PRSS21: variants seen among roughly 807,000 people sequenced by gnomAD.
PRSS21 encodes testisin.
PRSS21 carries 40 observed loss-of-function variants against 31.1 expected under a neutral mutation model. That is an observed-to-expected ratio of 1.29 (90% CI 1.00 to 1.68). The LOEUF is 1.68. PRSS21 is among the 40% of genes most tolerant of loss of function. PRSS21 has a pLI of 0.00. For synonymous variants in PRSS21, 186 were observed against 167.7 expected, an observed-to-expected ratio of 1.11 and a Z score of -0.84; for missense variants, 467 against 412.6, an observed-to-expected ratio of 1.13 and a Z score of -1.14.
In PRSS21 at chr16:2,817,446, G is replaced by A. The variant is rs1346536528; in HGVS notation, c.81G>A (p.Ala27=). 2 of 1,537,742 alleles carry A rather than the reference G, an allele frequency of 1.3e-6. No individual in the cohort carries two copies. The highest frequency in any genetic ancestry group is 1.1e-5 in the South Asian group (1 of 89,470). Reference sequence around the variant, plus strand: ...CTCCCGCAGAGTCGCAGGAGGCGGCGCCGTTATCAGGTAGGGCGCCCAGGA... The same window carrying A: ...CTCCCGCAGAGTCGCAGGAGGCGGCACCGTTATCAGGTAGGGCGCCCAGGA... ...GLRKPESQEA[A]PLSGPCGRRV... The change falls in exon 2 of 6, where the codon GCG becomes GCA. Residue 27 remains alanine, a synonymous_variant. Transcript: ENST00000005995. The surrounding 1 kb of genome is among the most constrained non-coding windows in gnomAD (Gnocchi z 4.2).
In PRSS21 at chr16:2,817,943, C is replaced by T. The variant is rs1567273356; in HGVS notation, c.234C>T (p.Leu78=). The change falls in exon 3 of 6, where the codon CTC becomes CTT. Residue 78 remains leucine, a synonymous_variant. Coordinates refer to ENST00000005995, the MANE Select transcript of PRSS21 (RefSeq NM_006799.4). This position sits in a 1 kb window ranked among gnomAD's most constrained non-coding sequence, Gnocchi z 4.2. ...GCCTGCTCAGCCACCGCTGGGCACT[C>T]ACGGCGGCGCACTGCTTTGAAACGT... ...GVSLLSHRWA[L]TAAHCFETYS... 5 of 1,549,136 alleles carry T rather than the reference C, an allele frequency of 3.2e-6. No individual in the cohort carries two copies. The highest frequency in any genetic ancestry group is 2.4e-5 in the East Asian group (1 of 40,892).
Position 2,817,721 on chromosome 16 carries a change from C to G in PRSS21, c.92-80C>G, listed in dbSNP as rs1357892094. On this transcript the variant is annotated intron_variant, in intron 2 of 5. Transcript: ENST00000005995. The surrounding 1 kb of genome is among the most constrained non-coding windows in gnomAD (Gnocchi z 4.2). The stretch of plus-strand genomic sequence containing the variant: ...GTGGGCAAAAACGTGCTTTCCCGGA[C>G]GGGGTTGAAGGGGAGAAAGGGAGAG... 8.0e-6 allele frequency: 12 copies of G among 1,497,092 alleles called. No homozygotes were observed. The highest frequency in any genetic ancestry group is 1.1e-5 in the Non-Finnish European group (12 of 1,117,400). 92.7% of individuals were successfully genotyped at this position (1,497,092 alleles called of 1,614,324 possible).
At chr16:2,818,655 C>G (rs1251201249) in intron 3 of PRSS21, 22 bp from the exon 4 acceptor site, 4 of 1,609,652 alleles carry the variant, frequency 2.5e-6, no homozygotes, top group Non-Finnish European at 8.5e-7. Context: ...GGGCCCCTGA[C>G]TGCTCTCTTC....
Position 2,817,977 on chromosome 16 carries a change from G to C in PRSS21, c.257+11G>C, listed in dbSNP as rs1327938055. The C allele has an allele frequency of 9.7e-6, 15 of 1,545,616 alleles. No homozygotes were observed. The Admixed American group carries it at 9.8e-5, about 10-fold the overall frequency. ...GCACTGCTTTGAAACGTGAGTGGGGGTGCGAACGGAGGGGTGCGGGGACGG... is the reference window on the plus strand; with the variant it reads ...GCACTGCTTTGAAACGTGAGTGGGGCTGCGAACGGAGGGGTGCGGGGACGG... On this transcript the variant is annotated intron_variant, in intron 3 of 5. Coordinates refer to ENST00000005995, the MANE Select transcript of PRSS21 (RefSeq NM_006799.4). This position sits in a 1 kb window ranked among gnomAD's most constrained non-coding sequence, Gnocchi z 4.2.
At position 2,820,993 on chromosome 16, in the gene PRSS21, G is replaced by T. The variant is rs544776420; in HGVS notation, c.589G>T (p.Ala197Ser). Reference sequence around the variant, plus strand: ...CCACACCCTCCAGGAAGTTCAGGTCGCCATCATAAACAACTCTATGTGCAA... The same window carrying T: ...CCACACCCTCCAGGAAGTTCAGGTCTCCATCATAAACAACTCTATGTGCAA... ...SPHTLQEVQV[A>S]IINNSMCNHL... is the part of the protein sequence containing the mutation. Residue 197 changes from alanine to serine, a missense_variant, in exon 5 of 6, where the codon GCC (alanine) becomes TCC (serine). Transcript: ENST00000005995. 3 of 1,613,934 alleles carry T rather than the reference G, an allele frequency of 1.9e-6. No individual in the cohort carries two copies. The South Asian group carries it at 3.3e-5, about 18-fold the overall frequency.
chr16:2,821,012 T>C lies in PRSS21; in HGVS notation c.608T>C (p.Met203Thr). 5 of 1,614,134 alleles carry C rather than the reference T, an allele frequency of 3.1e-6. No individual in the cohort carries two copies. Among genetic ancestry groups the C allele is most frequent in the East Asian group, 2.2e-5 (1 of 44,882 alleles). Residue 203 changes from methionine (M) to threonine (T), a missense_variant, in exon 5 of 6, where the codon ATG becomes ACG. Transcript: ENST00000005995. ...CAGGTCGCCATCATAAACAACTCTA[T>C]GTGCAACCACCTCTTCCTCAAGTAC... ...EVQVAIINNS[M>T]CNHLFLKYSF... is the part of the protein sequence containing the mutation.
intron 4 of PRSS21, among the ~76,000 whole-genome samples, chr16:2,819,216 G>A (rs2069132034): frequency 6.6e-6 from 1 of 152,188 alleles, no homozygotes; most frequent in Non-Finnish European, 1.5e-5. Context: ...CGGTGGTGGA[G>A]GGGTTCTGGA....
Position 2,819,587 on chromosome 16 carries a change from C to G in PRSS21, c.550+618C>G, listed in dbSNP as rs148842994. Among the ~76,000 whole-genome samples the G allele has an allele frequency of 1.2e-3, 188 of 152,336 alleles. 1 individual carries two copies. The highest frequency in any genetic ancestry group is 4.4e-3 in the African/African-American group (183 of 41,574). On this transcript the variant is annotated intron_variant, in intron 4 of 5. Coordinates refer to ENST00000005995, the MANE Select transcript of PRSS21 (RefSeq NM_006799.4). Reference sequence around the variant, plus strand: ...GTATCAGGAATCCCTTCCCTCTGCTCCCCTGTCTGGCCCGTCCCTGCATCA... The same window carrying G: ...GTATCAGGAATCCCTTCCCTCTGCTGCCCTGTCTGGCCCGTCCCTGCATCA...
chr16:2,818,593 T>A (rs766160602), intron 3 of PRSS21, 84 bp from the exon 4 acceptor site: 101 of 1,378,584 alleles, frequency 7.3e-5, no homozygotes, highest in Non-Finnish European at 1.0e-4. Context: ...CACCACAGTT[T>A]CCCCTCCTGC....
chr16:2,817,536 G>T lies in PRSS21; in HGVS notation c.91+80G>T. 1.1e-6 allele frequency: 1 copy of T among 944,912 alleles called. No homozygotes were observed. The highest frequency in any genetic ancestry group is 3.4e-4 in the Middle Eastern group (1 of 2,976). The allele number at this position is 944,912 out of a possible 1,614,324, so 58.5% of individuals were successfully genotyped here. ...GGGGGCGGTGAGGGGGTAGAGGGGG[G>T]CCTTTACTGCTCTCTCGCCCCCGCC... On this transcript the variant is annotated intron_variant, in intron 2 of 5. Coordinates refer to ENST00000005995, the MANE Select transcript of PRSS21 (RefSeq NM_006799.4). The surrounding 1 kb of genome is among the most constrained non-coding windows in gnomAD (Gnocchi z 4.2).
In PRSS21 at chr16:2,821,250, G is replaced by C. The variant is rs943743546; in HGVS notation, c.706-116G>C. ...GAAACGGAGGCTTGGCTGCTGCCAG[G>C]GGGAGGAGGAGGATGTGCACCCAGT... is the stretch of plus-strand genomic sequence containing the variant. On this transcript the variant is annotated intron_variant, in intron 5 of 5. Transcript: ENST00000005995. 5.2e-6 allele frequency: 8 copies of C among 1,533,172 alleles called. No homozygotes were observed. In the Admixed American group the frequency reaches 1.2e-4, roughly 23 times the overall value. 95.0% of individuals were successfully genotyped at this position (1,533,172 alleles called of 1,614,324 possible).
In PRSS21 at chr16:2,821,640, C is replaced by T. The variant is rs895766777; in HGVS notation, c.*35C>T. ...AGCCCATGCAGCCTGGGGCCACTGC[C>T]AAGTCAGGCCCTGGTTCTCTTCTGT... On this transcript the variant is annotated 3_prime_UTR_variant, in exon 6 of 6. Transcript: ENST00000005995. The T allele has an allele frequency of 1.3e-6, 2 of 1,594,640 alleles. No homozygotes were observed. The highest frequency in any genetic ancestry group is 8.6e-7 in the Non-Finnish European group (1 of 1,169,578).
chr16:2,819,027 C>A, intron 4 of PRSS21, 58 bp downstream of exon 4: 1 of 1,579,638 alleles, frequency 6.3e-7, no homozygotes, highest in Non-Finnish European at 8.6e-7. Context: ...TGTTCCCCTG[C>A]ATAGGCACAA....
Position 2,820,994 on chromosome 16 carries a change from C to G in PRSS21, c.590C>G (p.Ala197Gly), listed in dbSNP as rs1436776446. 6.2e-7 allele frequency: 1 copy of G among 1,614,048 alleles called. No individual in the cohort carries two copies. The highest frequency in any genetic ancestry group is 8.5e-7 in the Non-Finnish European group (1 of 1,180,002). The change falls in exon 5 of 6, where the codon GCC (alanine) becomes GGC (glycine). Residue 197 changes from alanine to glycine, a missense_variant. Coordinates refer to ENST00000005995, the MANE Select transcript of PRSS21 (RefSeq NM_006799.4). ...SPHTLQEVQVAIINNSMCNHL... is the reference protein window; with the variant it reads ...SPHTLQEVQVGIINNSMCNHL... The stretch of plus-strand genomic sequence containing the variant: ...CACACCCTCCAGGAAGTTCAGGTCG[C>G]CATCATAAACAACTCTATGTGCAAC...
rs540109454 is a variant in PRSS21 at position 2,818,375 on chromosome 16, T to C, written c.258-302T>C. Among the ~76,000 whole-genome samples, 13 of 152,284 alleles carry C rather than the reference T, an allele frequency of 8.5e-5. No individual in the cohort carries two copies. In the East Asian group the frequency reaches 2.5e-3, roughly 29 times the overall value. ...TGGACTCCATCCTGCCAATCCCACA[T>C]TGGCGTGGTGCATCTCCCCATTCCT... On this transcript the variant is annotated intron_variant, in intron 3 of 5. Coordinates refer to ENST00000005995, the MANE Select transcript of PRSS21 (RefSeq NM_006799.4).
intron 5 of PRSS21, 77 bp downstream of exon 5, chr16:2,821,186 C>A (rs893407384): frequency 6.3e-7 from 1 of 1,580,294 alleles, no homozygotes; most frequent in South Asian, 1.2e-5. Flanking sequence ...TCATGCCAAC[C>A]CCGGGAGGTG....
chr16:2,818,168 C>A (rs1596314230), intron 3 of PRSS21, among the ~76,000 whole-genome samples: 1 of 152,204 alleles, frequency 6.6e-6, no homozygotes, highest in East Asian at 1.9e-4. Flanking sequence ...CTGGAGGGAA[C>A]CCTGTTCAGG....
In PRSS21 at chr16:2,817,280, C is replaced by G. The variant is rs1472587774; in HGVS notation, c.12C>G (p.Arg4=). ...CGGGAGAGGAGGCCATGGGCGCGCG[C>G]GGGGCGCTGCTGCTGGCGCTGCTGC... is the stretch of plus-strand genomic sequence containing the variant. MGA[R]GALLLALLLA... is the part of the protein sequence containing the mutation. Residue 4 remains arginine (R), a synonymous_variant, in exon 1 of 6, where the codon CGC becomes CGG. Coordinates refer to ENST00000005995, the MANE Select transcript of PRSS21 (RefSeq NM_006799.4). The surrounding 1 kb of genome is among the most constrained non-coding windows in gnomAD (Gnocchi z 4.2). The G allele has an allele frequency of 5.9e-6, 9 of 1,535,348 alleles. No homozygotes were observed. The highest frequency in any genetic ancestry group is 7.9e-6 in the Non-Finnish European group (9 of 1,144,656).
intron 4 of PRSS21, 44 bp downstream of exon 4, chr16:2,819,013 C>T (rs542555276): frequency 6.3e-7 from 1 of 1,598,568 alleles, no homozygotes; most frequent in Non-Finnish European, 8.5e-7. Flanking sequence ...TGTCTTTGTT[C>T]ACCTGTTCCC....
Sources: allele counts gnomAD v4.1 joint callset (sites outside exome capture counted in the v4.1 genomes callset), GRCh38; gene constraint gnomAD v4.1.1; non-coding constraint Gnocchi (gnomAD v3.1); transcripts MANE v1.5; gene names NCBI Gene and HGNC (gene_info 2026-07-23, HGNC 2026-07-21).